The following ATXN10 variants were observed in gnomAD, a reference collection of about 807,000 sequenced individuals.
The protein encoded by ATXN10 is ataxin-10.
In ATXN10, 28 loss-of-function variants were observed where a neutral mutation model predicts 52.9. The ratio of observed to expected loss-of-function variants is 0.53; its 90% CI spans 0.39 to 0.73. ATXN10 has a LOEUF of 0.73. ATXN10 is among the 30% of genes least tolerant of loss of function. The pLI is 0.00. For synonymous variants in ATXN10, 226 were observed against 221.5 expected (o/e 1.02, Z -0.18); for missense variants, 565 against 577.0 (o/e 0.98, Z 0.21).
chr22:45,817,061 A>G (rs1397991820), intron 10 of ATXN10, among the ~76,000 whole-genome samples: 1 of 152,134 alleles, frequency 6.6e-6, no homozygotes, highest in African/African-American at 2.4e-5. Context: ...TGTGTTCACA[A>G]AGCAGTGTGT....
intron 9 of ATXN10, among the ~76,000 whole-genome samples, chr22:45,779,502 G>C (rs1927072440): frequency 6.6e-6 from 1 of 152,184 alleles, no homozygotes; most frequent in Non-Finnish European, 1.5e-5. Flanking sequence ...TCACAGCTGG[G>C]AGCGAGACTA....
At chr22:45,796,254 C>G (rs1601652100) in intron 9 of ATXN10, among the ~76,000 whole-genome samples, 1 of 152,226 alleles carries the variant, frequency 6.6e-6, no homozygotes, top group Admixed American at 6.5e-5. Context: ...TTAGGAAATT[C>G]CAGCCTGGCG....
At chr22:45,674,012 A>AC (rs1468471118) in intron 1 of ATXN10, 1 of 152,104 alleles carries the variant, frequency 6.6e-6, no homozygotes, top group Non-Finnish European at 1.5e-5. Flanking sequence ...GTTACAGAGA[A>AC]CCATTGATGG....
intron 1 of ATXN10, chr22:45,673,610 A>C (rs1234246016): frequency 6.6e-6 from 1 of 152,194 alleles, no homozygotes; most frequent in African/African-American, 2.4e-5. Flanking sequence ...TTGGGGTCTG[A>C]GGGTACAGAG....
rs535902777 is a variant in ATXN10, at chr22:45,677,993, A to G, written c.116+5814A>G. 2 of 152,218 alleles carry G rather than the reference A, an allele frequency of 1.3e-5. No individual in the cohort carries two copies. The highest frequency in any genetic ancestry group is 6.5e-5 in the Admixed American group (1 of 15,284). The allele number at this position is 152,218 out of a possible 1,614,324, so 9.4% of individuals were successfully genotyped here. A position where few individuals can be genotyped will look rare whatever the true frequency, so the allele number is the denominator to read the frequency against. Reference sequence around the variant, plus strand: ...GAAAATGAAAAAGGACAAATTCTGTATGATTCTGCTTTTATGAAGTACCTA... The same window carrying G: ...GAAAATGAAAAAGGACAAATTCTGTGTGATTCTGCTTTTATGAAGTACCTA... On this transcript the variant is annotated intron_variant, in intron 1 of 11. Coordinates refer to ENST00000252934, the MANE Select transcript of ATXN10 (RefSeq NM_013236.4). The surrounding 1 kb of genome is among the most constrained non-coding windows in gnomAD (Gnocchi z 4.1).
In ATXN10 at chr22:45,762,507, G is replaced by C. The variant is rs1163742468; in HGVS notation, c.1173+21969G>C. Among the ~76,000 whole-genome samples the C allele has an allele frequency of 1.3e-5, 2 of 152,186 alleles. No individual in the cohort carries two copies. The highest frequency in any genetic ancestry group is 4.8e-5 in the African/African-American group (2 of 41,448). The stretch of plus-strand genomic sequence containing the variant: ...TAGCCGAACCTGTGTCTGCACACCT[G>C]TTGTGTCTTCCTGGGAGGCTCCCAG... On this transcript the variant is annotated intron_variant, in intron 9 of 11. Coordinates refer to ENST00000252934, the MANE Select transcript of ATXN10 (RefSeq NM_013236.4). This position sits in a 1 kb window ranked among gnomAD's most constrained non-coding sequence, Gnocchi z 4.3.
rs1290159180 is a variant in ATXN10 at position 45,805,167 on chromosome 22, C to A, written c.1174-1792C>A. Among the ~76,000 whole-genome samples, 1 of 152,212 alleles carries A rather than the reference C, an allele frequency of 6.6e-6. No homozygotes were observed. The highest frequency in any genetic ancestry group is 1.5e-5 in the Non-Finnish European group (1 of 68,038). ...TCAAAACCACAATGGCATACCACTTCACTTACACTAGAATGCCTACTACAA... is the reference window on the plus strand; with the variant it reads ...TCAAAACCACAATGGCATACCACTTAACTTACACTAGAATGCCTACTACAA... On this transcript the variant is annotated intron_variant, in intron 9 of 11. Transcript: ENST00000252934. This position sits in a 1 kb window ranked among gnomAD's most constrained non-coding sequence, Gnocchi z 4.4.
At chr22:45,687,085 G>C (rs1244264772) in intron 1 of ATXN10, among the ~76,000 whole-genome samples, 1 of 152,134 alleles carries the variant, frequency 6.6e-6, no homozygotes. Context: ...GCTATTAATA[G>C]TTATTTGGAT....
rs773443654 is a variant in ATXN10 at position 45,744,845 on chromosome 22, C to T, written c.1173+4307C>T. On this transcript the variant is annotated intron_variant, in intron 9 of 11. Transcript: ENST00000252934. This position sits in a 1 kb window ranked among gnomAD's most constrained non-coding sequence, Gnocchi z 4.9. Reference sequence around the variant, plus strand: ...TACGTTGCCTCAGATTGAAAATCTGCACAGAAATGTATTTTATCCCAAATT... The same window carrying T: ...TACGTTGCCTCAGATTGAAAATCTGTACAGAAATGTATTTTATCCCAAATT... 6.6e-6 allele frequency: 1 copy of T among 152,168 alleles called. No homozygotes were observed. Among genetic ancestry groups the T allele is most frequent in the East Asian group, 1.9e-4 (1 of 5,202 alleles). The allele number at this position is 152,168 out of a possible 1,614,324, so 9.4% of individuals were successfully genotyped here.
chr22:45,822,049 A>G (rs572404444), intron 10 of ATXN10, among the ~76,000 whole-genome samples: 1 of 152,134 alleles, frequency 6.6e-6, no homozygotes, highest in Non-Finnish European at 1.5e-5. Context: ...TGTCTGGTAG[A>G]TTGGCCGTCT....
intron 9 of ATXN10, among the ~76,000 whole-genome samples, chr22:45,777,012 G>A (rs1438897356): frequency 2.0e-5 from 3 of 152,180 alleles, no homozygotes; most frequent in South Asian, 2.1e-4. Flanking sequence ...AGTGGACAAC[G>A]ATGAACTTGA....
In ATXN10 at chr22:45,816,220, C is replaced by T. The variant is rs532935800; in HGVS notation, c.1237+9198C>T. ...GTGAGCTGAGATTGTGTCATTGGCA[C>T]GCCAGCCTGGGTGTTGCAGCAAGAC... On this transcript the variant is annotated intron_variant, in intron 10 of 11. Transcript: ENST00000252934. This position sits in a 1 kb window ranked among gnomAD's most constrained non-coding sequence, Gnocchi z 5.8. 6.6e-6 allele frequency among the ~76,000 whole-genome samples: 1 copy of T among 152,160 alleles called. No individual in the cohort carries two copies. The highest frequency in any genetic ancestry group is 1.9e-4 in the East Asian group (1 of 5,160).
At chr22:45,676,329 AC>A in intron 1 of ATXN10, 1 of 151,570 alleles carries the variant, frequency 6.6e-6, no homozygotes, top group East Asian at 1.9e-4. Flanking sequence ...GCATCTCCAG[AC>A]CCCACAAAGT....
chr22:45,793,710 C>T (rs770517747), intron 9 of ATXN10: 59 of 1,479,320 alleles, frequency 4.0e-5, no homozygotes, highest in Non-Finnish European at 3.8e-5. Context: ...CATGCTGAGG[C>T]CCTCTTGCCT....
chr22:45,791,159 A>G (rs1927495473), intron 9 of ATXN10, among the ~76,000 whole-genome samples: 1 of 152,170 alleles, frequency 6.6e-6, no homozygotes. Context: ...TTTTCCAGCT[A>G]AATCAGCCTT....
At chr22:45,734,328 T>C (rs934629257) in intron 7 of ATXN10, 2 of 202,856 alleles carry the variant, frequency 9.9e-6, no homozygotes, top group Middle Eastern at 6.8e-4. Context: ...ATTATGTTTG[T>C]TTTTGCATAT....
chr22:45,831,419 C>T (rs1317653909), intron 10 of ATXN10, among the ~76,000 whole-genome samples: 1 of 152,028 alleles, frequency 6.6e-6, no homozygotes, highest in East Asian at 1.9e-4. Context: ...AGCAACTGTA[C>T]CTCAGACTTT....
In ATXN10 at chr22:45,757,823, A is replaced by G. The variant is rs74604160; in HGVS notation, c.1173+17285A>G. ...TATTAGTACTTTTCTTACATGATTC[A>G]ACTTGGACTTATTAGAGAAATAAAC... On this transcript the variant is annotated intron_variant, in intron 9 of 11. Coordinates refer to ENST00000252934, the MANE Select transcript of ATXN10 (RefSeq NM_013236.4). The surrounding 1 kb of genome is among the most constrained non-coding windows in gnomAD (Gnocchi z 4.6). Among the ~76,000 whole-genome samples the G allele has an allele frequency of 5.8e-3, 883 of 152,254 alleles. 10 individuals are homozygous for G. The highest frequency in any genetic ancestry group is 0.021 in the African/African-American group (852 of 41,538).
At chr22:45,771,961 G>A (rs1349358412) in intron 9 of ATXN10, among the ~76,000 whole-genome samples, 2 of 152,134 alleles carry the variant, frequency 1.3e-5, no homozygotes, top group African/African-American at 4.8e-5. Context: ...AGCATTCTTT[G>A]TGTATTCTGG....
Sources: gnomAD v4.1 joint callset for allele counts (sites outside exome capture counted in the v4.1 genomes callset) on GRCh38, gnomAD v4.1.1 for gene constraint, Gnocchi (gnomAD v3.1) non-coding constraint, MANE v1.5 for transcripts, NCBI Gene and HGNC (gene_info 2026-07-23, HGNC 2026-07-21) for gene names.